ZNF384: variants seen among roughly 807,000 people sequenced by gnomAD.
The protein encoded by ZNF384 is CAG repeat protein 1.
ZNF384 carries 20 observed loss-of-function variants against 65.0 expected under a neutral mutation model. The ratio of observed to expected loss-of-function variants is 0.31; its 90% confidence interval spans 0.22 to 0.45. The LOEUF is 0.45. ZNF384 is among the 20% of genes least tolerant of loss of function. The probability of loss-of-function intolerance (pLI) is 1.00; values close to 1 mark genes in which losing one functional copy is unlikely to be tolerated. For missense variants in ZNF384, 549 were observed against 769.4 expected (o/e 0.71, Z 3.39); for synonymous variants, 310 against 303.9 (o/e 1.02, Z -0.21).
intron 2 of ZNF384, 93 bp downstream of exon 2, chr12:6,688,074 T>G (rs1450731304): frequency 2.0e-5 from 3 of 152,608 alleles, no homozygotes; most frequent in African/African-American, 7.2e-5. Context: ...CTTTAAGTAT[T>G]CTATCACATT....
chr12:6,685,832 A>G (rs1356444159), intron 2 of ZNF384, among the ~76,000 whole-genome samples: 1 of 150,566 alleles, frequency 6.6e-6, no homozygotes, highest in Non-Finnish European at 1.5e-5. Context: ...TAAGTTGGAG[A>G]GTAATTTTCT....
In ZNF384 at chr12:6,678,037, G is replaced by T; in HGVS notation, c.686+90C>A. 1.6e-6 allele frequency: 2 copies of T among 1,256,638 alleles called. No individual in the cohort carries two copies. Among genetic ancestry groups the T allele is most frequent in the Non-Finnish European group, 1.1e-6 (1 of 893,314 alleles). The allele number at this position is 1,256,638 out of a possible 1,614,324, so 77.8% of individuals were successfully genotyped here. ...AGCTGGGAAGCTGTCAGAGTGTAGC[G>T]CCTGACCGGGGCAGAACACAATGAG... On this transcript the variant is annotated intron_variant, in intron 6 of 11. Transcript: ENST00000683879. This position sits in a 1 kb window ranked among gnomAD's most constrained non-coding sequence, Gnocchi z 4.9.
chr12:6,679,972 T>C (rs977384654), intron 2 of ZNF384, among the ~76,000 whole-genome samples: 2 of 152,208 alleles, frequency 1.3e-5, no homozygotes, highest in African/African-American at 4.8e-5. Context: ...TTCCTTGAAA[T>C]AGAAATTTTA....
At position 6,679,006 on chromosome 12, in the gene ZNF384, C is replaced by T. The variant is rs760908677; in HGVS notation, c.244G>A (p.Ala82Thr). The change falls in exon 4 of 12, where the codon GCG becomes ACG. Residue 82 changes from alanine (A) to threonine (T), a missense_variant. Coordinates refer to ENST00000683879, the MANE Select transcript of ZNF384 (RefSeq NM_001385745.1). ...KSDQLTPHSQ[A>T]SVTQNITVVP... ...ACCGTGATATTCTGGGTAACGGACG[C>T]TTGGCTGTGTGGGGTCAGCTGGTCT... 1.2e-6 allele frequency: 2 copies of T among 1,614,060 alleles called. No individual in the cohort carries two copies. The highest frequency in any genetic ancestry group is 1.7e-6 in the Non-Finnish European group (2 of 1,180,018).
In ZNF384 at chr12:6,678,174, G is replaced by A; in HGVS notation, c.639C>T (p.Leu213=). ...GATGGTCATCATCATCCTCAGGGGA[G>A]AGGACATAAGGGTCATTCATCTCGG... The part of the protein sequence containing the change: ...GLPEMNDPYV[L]SPEDDDDHQK... Residue 213 remains leucine, a synonymous_variant, in exon 6 of 12, where the codon CTC becomes CTT. Coordinates refer to ENST00000683879, the MANE Select transcript of ZNF384 (RefSeq NM_001385745.1). This position sits in a 1 kb window ranked among gnomAD's most constrained non-coding sequence, Gnocchi z 4.9. 1 of 1,614,132 alleles carries A rather than the reference G, an allele frequency of 6.2e-7. No individual in the cohort carries two copies. The highest frequency in any genetic ancestry group is 8.5e-7 in the Non-Finnish European group (1 of 1,180,022).
Position 6,667,615 on chromosome 12 carries a change from G to A in ZNF384, c.*99C>T. 1 of 1,509,584 alleles carries A rather than the reference G, an allele frequency of 6.6e-7. No homozygotes were observed. The highest frequency in any genetic ancestry group is 1.4e-5 in the African/African-American group (1 of 73,100). 93.5% of individuals were successfully genotyped at this position (1,509,584 alleles called of 1,614,324 possible). On this transcript the variant is annotated 3_prime_UTR_variant, in exon 12 of 12. Coordinates refer to ENST00000683879, the MANE Select transcript of ZNF384 (RefSeq NM_001385745.1). ...CAGAGGCCCAAGGAGATGGAGCCAA[G>A]GCCTGTCAAGGAAGAAAAGGACTTT...
chr12:6,670,227 G>A (rs983194075), intron 10 of ZNF384, among the ~76,000 whole-genome samples: 5 of 151,962 alleles, frequency 3.3e-5, no homozygotes, highest in Non-Finnish European at 7.4e-5. Flanking sequence ...CCAGGAGTTC[G>A]AGACCAGCCT....
chr12:6,671,839 T>C (rs1262403857), intron 9 of ZNF384: 2 of 153,596 alleles, frequency 1.3e-5, no homozygotes, highest in Admixed American at 6.5e-5. Flanking sequence ...TCTGAACATT[T>C]AGTACGTGTT....
intron 10 of ZNF384, among the ~76,000 whole-genome samples, chr12:6,670,127 A>G (rs542335960): frequency 6.6e-6 from 1 of 152,322 alleles, no homozygotes; most frequent in African/African-American, 2.4e-5. Flanking sequence ...CTTCTAGCTT[A>G]AGACATTAAA....
At position 6,679,085 on chromosome 12, in the gene ZNF384, C is replaced by T. The variant is rs1954867968; in HGVS notation, c.165G>A (p.Val55=). 6.2e-7 allele frequency: 1 copy of T among 1,613,994 alleles called. No individual in the cohort carries two copies. The highest frequency in any genetic ancestry group is 1.3e-5 in the African/African-American group (1 of 75,000). ...CTGAGGGCAGGGACACTGAGGCAGG[C>T]ACTGTCAGCAAGGTGGGGTAGTGAG... ...APPHYPTLLT[V]PASVSLPSGI... Residue 55 remains valine (V), a synonymous_variant, in exon 4 of 12, where the codon GTG becomes GTA. Coordinates refer to ENST00000683879, the MANE Select transcript of ZNF384 (RefSeq NM_001385745.1).
intron 7 of ZNF384, 40 bp downstream of exon 7, chr12:6,677,127 G>A: frequency 1.9e-6 from 1 of 528,512 alleles, no homozygotes; most frequent in African/African-American, 2.0e-5. Context: ...CCATTTTACA[G>A]ATGAGGAAAC....
chr12:6,678,857 C>T lies in ZNF384; in HGVS notation c.304+89G>A, dbSNP rs565208014. 6.8e-7 allele frequency: 1 copy of T among 1,480,004 alleles called. No individual in the cohort carries two copies. The highest frequency in any genetic ancestry group is 1.2e-5 in the South Asian group (1 of 84,772). The allele number at this position is 1,480,004 out of a possible 1,614,324, so 91.7% of individuals were successfully genotyped here. A position where few individuals can be genotyped will look rare whatever the true frequency, so the allele number is the denominator to read the frequency against. ...TTGATTGAATAATCAAACACATATC[C>T]CACTCCCCATGTCCTTGGAGCCCTC... is the stretch of plus-strand genomic sequence containing the variant. On this transcript the variant is annotated intron_variant, in intron 4 of 11. Transcript: ENST00000683879. This position sits in a 1 kb window ranked among gnomAD's most constrained non-coding sequence, Gnocchi z 4.9.
At chr12:6,681,559 G>A (rs1565441486) in intron 2 of ZNF384, among the ~76,000 whole-genome samples, 1 of 152,190 alleles carries the variant, frequency 6.6e-6, no homozygotes, top group African/African-American at 2.4e-5. Flanking sequence ...TGACAGGCAA[G>A]TTGACCCACT....
Position 6,667,664 on chromosome 12 carries a change from A to T in ZNF384, c.*50T>A, listed in dbSNP as rs375317183. ...TTTCCCACCAAGAGTTGGAGAAAGAAGACACCAGGACTACTTCTTCCTCTT... is the reference window on the plus strand; with the variant it reads ...TTTCCCACCAAGAGTTGGAGAAAGATGACACCAGGACTACTTCTTCCTCTT... On this transcript the variant is annotated 3_prime_UTR_variant, in exon 12 of 12. Coordinates refer to ENST00000683879, the MANE Select transcript of ZNF384 (RefSeq NM_001385745.1). The T allele has an allele frequency of 1.2e-6, 2 of 1,612,434 alleles. No homozygotes were observed. The highest frequency in any genetic ancestry group is 2.7e-5 in the African/African-American group (2 of 74,902).
Position 6,678,073 on chromosome 12 carries a change from G to A in ZNF384, c.686+54C>T. 2.6e-6 allele frequency: 4 copies of A among 1,524,160 alleles called. No individual in the cohort carries two copies. The highest frequency in any genetic ancestry group is 1.7e-5 in the Admixed American group (1 of 57,306). The allele number at this position is 1,524,160 out of a possible 1,614,324, so 94.4% of individuals were successfully genotyped here. On this transcript the variant is annotated intron_variant, in intron 6 of 11. Coordinates refer to ENST00000683879, the MANE Select transcript of ZNF384 (RefSeq NM_001385745.1). The surrounding 1 kb of genome is among the most constrained non-coding windows in gnomAD (Gnocchi z 4.9). ...GCAGAACACAATGAGGGTACAGGGA[G>A]AATCACCAAGCCAGGGATCCTCGCC...
intron 7 of ZNF384, among the ~76,000 whole-genome samples, chr12:6,676,449 A>G (rs1953616415): frequency 6.6e-6 from 1 of 152,194 alleles, no homozygotes. Context: ...AAAATACTGA[A>G]TGTGTGAAAA....
intron 11 of ZNF384, 78 bp from the exon 12 acceptor site, chr12:6,668,193 T>G: frequency 1.4e-6 from 2 of 1,390,996 alleles, no homozygotes; most frequent in South Asian, 2.8e-5. Context: ...CCCCAGGCTC[T>G]GATTCTGCTG....
chr12:6,670,879 G>A, intron 9 of ZNF384, 41 bp from the exon 10 acceptor site: 1 of 1,580,402 alleles, frequency 6.3e-7, no homozygotes, highest in East Asian at 2.2e-5. Flanking sequence ...ATGTCAGCAA[G>A]ACCATTTAGG....
intron 7 of ZNF384, among the ~76,000 whole-genome samples, chr12:6,675,922 C>T (rs944091708): frequency 2.6e-5 from 4 of 152,180 alleles, no homozygotes; most frequent in African/African-American, 9.6e-5. Flanking sequence ...CCCAACTGCC[C>T]CAATAGCCAG....
Sources: allele counts gnomAD v4.1 joint callset (sites outside exome capture counted in the v4.1 genomes callset), GRCh38; gene constraint gnomAD v4.1.1; non-coding constraint Gnocchi (gnomAD v3.1); transcripts MANE v1.5; gene names NCBI Gene and HGNC (gene_info 2026-07-23, HGNC 2026-07-21).